CSMD1: variants seen among roughly 807,000 people sequenced by gnomAD.
CSMD1 encodes the protein CUB and sushi domain-containing protein 1.
A neutral mutation model predicts 417.5 loss-of-function variants in CSMD1; 213 were observed. The observed-to-expected ratio is 0.51, with a 90% CI of 0.46 to 0.57. The LOEUF is 0.57. CSMD1 is among the 20% of genes least tolerant of loss of function. CSMD1 has a pLI of 0.00. For missense variants in CSMD1, 6,923 were observed against 4,529.7 expected, an observed-to-expected ratio of 1.53 and a Z score of -15.17; for synonymous variants, 2,862 against 1,736.8, an observed-to-expected ratio of 1.65 and a Z score of -16.11.
chr8:3,414,195 G>A (rs1206474650), intron 12 of CSMD1, among the ~76,000 whole-genome samples: 1 of 46,790 alleles, frequency 2.1e-5, no homozygotes, highest in Non-Finnish European at 3.8e-5. Context: ...TCAATTCAAA[G>A]ACTGATGCAC....
intron 21 of CSMD1, among the ~76,000 whole-genome samples, chr8:3,350,830 A>G (rs1187098921): frequency 1.3e-5 from 2 of 151,582 alleles, no homozygotes; most frequent in African/African-American, 4.9e-5. Context: ...TGTTTTTATT[A>G]GCCTTTGGAA....
chr8:3,127,294 C>CAA (rs1817560339), intron 41 of CSMD1: 1 of 152,188 alleles, frequency 6.6e-6, no homozygotes, highest in South Asian at 2.1e-4. Context: ...CGGGTAAAAA[C>CAA]AGAGACTGAG....
intron 3 of CSMD1, among the ~76,000 whole-genome samples, chr8:4,126,392 T>C (rs541638056): frequency 6.6e-6 from 1 of 152,280 alleles, no homozygotes; most frequent in African/African-American, 2.4e-5. Flanking sequence ...CACACCAGAA[T>C]GGTGCCAAAC....
intron 3 of CSMD1, among the ~76,000 whole-genome samples, chr8:4,158,864 C>T (rs981427586): frequency 2.0e-5 from 3 of 152,170 alleles, no homozygotes; most frequent in African/African-American, 7.2e-5. Flanking sequence ...TCTGAAATCT[C>T]AAGTCCTCAG....
chr8:4,195,874 C>T (rs534428553), intron 3 of CSMD1, among the ~76,000 whole-genome samples: 13 of 152,144 alleles, frequency 8.5e-5, no homozygotes, highest in African/African-American at 1.4e-4. Flanking sequence ...GCGAGACTTA[C>T]GGCAGAGGAC....
At chr8:3,845,418 A>C in intron 5 of CSMD1, among the ~76,000 whole-genome samples, 1 of 152,034 alleles carries the variant, frequency 6.6e-6, no homozygotes, top group East Asian at 1.9e-4. Flanking sequence ...ACAGTGATAG[A>C]TATCTATGTA....
intron 1 of CSMD1, among the ~76,000 whole-genome samples, chr8:4,738,972 C>T (rs1291717729): frequency 1.3e-5 from 2 of 149,744 alleles, no homozygotes; most frequent in African/African-American, 4.9e-5. Flanking sequence ...AATAATATAC[C>T]TTCTCTTGGG....
intron 1 of CSMD1, among the ~76,000 whole-genome samples, chr8:4,869,853 T>C (rs1384137929): frequency 6.6e-6 from 1 of 152,076 alleles, no homozygotes; most frequent in East Asian, 1.9e-4. Context: ...CTCTCTCTCT[T>C]TTTTATATTC....
chr8:4,038,812 A>G (rs575548694), intron 3 of CSMD1, among the ~76,000 whole-genome samples: 3 of 152,218 alleles, frequency 2.0e-5, no homozygotes, highest in Non-Finnish European at 4.4e-5. Flanking sequence ...CTCTCATGGC[A>G]GGTTTCCACT....
chr8:4,113,602 C>T (rs1202870490), intron 3 of CSMD1, among the ~76,000 whole-genome samples: 1 of 151,960 alleles, frequency 6.6e-6, no homozygotes, highest in African/African-American at 2.4e-5. Flanking sequence ...GACAGAGTTT[C>T]ACTGTGTTAG....
chr8:3,580,960 C>T (rs1800357077), intron 9 of CSMD1, among the ~76,000 whole-genome samples: 2 of 152,270 alleles, frequency 1.3e-5, no homozygotes, highest in East Asian at 3.9e-4. Flanking sequence ...AATTCCAACG[C>T]AATAATAACT....
At chr8:4,091,528 G>C (rs956924026) in intron 3 of CSMD1, among the ~76,000 whole-genome samples, 1 of 152,136 alleles carries the variant, frequency 6.6e-6, no homozygotes, top group Admixed American at 6.5e-5. Context: ...TTATGTTAAA[G>C]CTGGCACTCA....
chr8:3,561,190 T>C (rs548395114), intron 10 of CSMD1, among the ~76,000 whole-genome samples: 9 of 152,288 alleles, frequency 5.9e-5, no homozygotes, highest in African/African-American at 1.2e-4. Flanking sequence ...TTGGTAGCAA[T>C]GTAAATGAGT....
intron 1 of CSMD1, among the ~76,000 whole-genome samples, chr8:4,669,244 C>G (rs1415953874): frequency 6.6e-6 from 1 of 152,142 alleles, no homozygotes; most frequent in Non-Finnish European, 1.5e-5. Context: ...GGGGGCTAGA[C>G]ATATTTACTA....
At chr8:4,221,391 A>AC in intron 3 of CSMD1, among the ~76,000 whole-genome samples, 1 of 151,990 alleles carries the variant, frequency 6.6e-6, no homozygotes, top group African/African-American at 2.4e-5. Flanking sequence ...AAAAAAAAAA[A>AC]AACAACACAT....
At chr8:4,857,016 G>C (rs1039466493) in intron 1 of CSMD1, among the ~76,000 whole-genome samples, 1 of 149,006 alleles carries the variant, frequency 6.7e-6, no homozygotes, top group African/African-American at 2.5e-5. Context: ...ATACTGGGAA[G>C]TAAAGCTCTC....
chr8:4,585,688 G>C (rs1799664394), intron 2 of CSMD1, among the ~76,000 whole-genome samples: 3 of 152,266 alleles, frequency 2.0e-5, no homozygotes, highest in South Asian at 4.1e-4. Context: ...AAAAATTAAA[G>C]CCAGAGGTAA....
At chr8:3,864,828 C>T (rs1035299544) in intron 5 of CSMD1, among the ~76,000 whole-genome samples, 2 of 152,160 alleles carry the variant, frequency 1.3e-5, no homozygotes, top group African/African-American at 4.8e-5. Flanking sequence ...TATACAGAAA[C>T]ATTTCCTAGA....
chr8:4,677,653 C>G (rs1805780146), intron 1 of CSMD1, among the ~76,000 whole-genome samples: 1 of 152,120 alleles, frequency 6.6e-6, no homozygotes, highest in African/African-American at 2.4e-5. Flanking sequence ...ATTAATTAAT[C>G]TCTCTGACTA....
Sources: allele counts gnomAD v4.1 joint callset (sites outside exome capture counted in the v4.1 genomes callset), GRCh38; gene constraint gnomAD v4.1.1; transcripts MANE v1.5; gene names NCBI Gene and HGNC (gene_info 2026-07-23, HGNC 2026-07-21).